ASIC4: variants seen among roughly 807,000 people sequenced by gnomAD.
ASIC4 encodes the protein acid sensing ion channel subunit family member 4, also known as acid-sensing ion channel 4.
Under a neutral mutation model 53.4 loss-of-function variants are expected in ASIC4, and 28 were observed. That is an observed-to-expected ratio of 0.52 (90% confidence interval 0.39 to 0.72). ASIC4 has a LOEUF of 0.72. Ranked by LOEUF, ASIC4 falls within the 30% of genes least tolerant of loss-of-function variation. The pLI is 0.00. For missense variants in ASIC4, 649 were observed against 729.7 expected (o/e 0.89, Z 1.27); for synonymous variants, 289 against 301.4 (o/e 0.96, Z 0.43).
At chr2:219,534,611 T>A (rs1695096893) in intron 5 of ASIC4, among the ~76,000 whole-genome samples, 1 of 152,096 alleles carries the variant, frequency 6.6e-6, no homozygotes, top group Non-Finnish European at 1.5e-5. Flanking sequence ...AGTTGATGCA[T>A]TTGGGGGAGA....
chr2:219,508,447 G>T, the ASIC4 span, among the ~76,000 whole-genome samples: 1 of 152,138 alleles, frequency 6.6e-6, no homozygotes, highest in African/African-American at 2.4e-5. Flanking sequence ...AAGGGGAAAG[G>T]GTCAGTGTTT....
chr2:219,537,690 C>T lies in ASIC4; in HGVS notation c.1460C>T (p.Ser487Phe), dbSNP rs780106540. 2.3e-5 allele frequency: 37 copies of T among 1,613,986 alleles called. No homozygotes were observed. The highest frequency in any genetic ancestry group is 3.0e-5 in the Non-Finnish European group (35 of 1,180,006). Residue 487 changes from serine to phenylalanine, a missense_variant, in exon 9 of 10, where the codon TCC (serine) becomes TTC (phenylalanine). Transcript: ENST00000358078. This position sits in a 1 kb window ranked among gnomAD's most constrained non-coding sequence, Gnocchi z 4.9. Reference protein sequence around the residue: ...WRRPKTPLRTSTGGISTLGLQ... With the variant: ...WRRPKTPLRTFTGGISTLGLQ... ...CGTCCCAAGACCCCCCTGCGGACCT[C>T]CACTGGGGGCATCTCCACTTTGGGG...
At chr2:219,507,525 C>A in the ASIC4 span, among the ~76,000 whole-genome samples, 5 of 152,324 alleles carry the variant, frequency 3.3e-5, no homozygotes, top group African/African-American at 1.2e-4. Context: ...GAGCTGGTGC[C>A]ATTCTCTTCG....
At chr2:219,520,258 C>A (rs1043122118) in intron 1 of ASIC4, among the ~76,000 whole-genome samples, 1 of 152,104 alleles carries the variant, frequency 6.6e-6, no homozygotes, top group Admixed American at 6.5e-5. Context: ...CACAATTAGA[C>A]AAGGCCTCTT....
At chr2:219,519,958 G>A (rs1694859712) in intron 1 of ASIC4, among the ~76,000 whole-genome samples, 1 of 152,124 alleles carries the variant, frequency 6.6e-6, no homozygotes, top group Non-Finnish European at 1.5e-5. Flanking sequence ...CTTCCCAGGT[G>A]CAGGACATGA....
intron 5 of ASIC4, among the ~76,000 whole-genome samples, chr2:219,534,922 C>A (rs968567514): frequency 1.1e-4 from 17 of 152,254 alleles, no homozygotes; most frequent in South Asian, 6.2e-4. Context: ...GAGGACCCCC[C>A]CCCAGTCCCA....
intron 1 of ASIC4, among the ~76,000 whole-genome samples, chr2:219,523,244 G>A (rs981329540): frequency 2.6e-5 from 4 of 152,222 alleles, no homozygotes; most frequent in African/African-American, 7.2e-5. Context: ...ACTTTCTAGG[G>A]TGTAAGGCCT....
chr2:219,516,120 ACTCC>A lies in ASIC4; in HGVS notation c.582+818_582+821del, dbSNP rs1044297013. Among the ~76,000 whole-genome samples the A allele has an allele frequency of 6.6e-6, 1 of 151,156 alleles. No homozygotes were observed. On this transcript the variant is annotated intron_variant, in intron 1 of 9. Coordinates refer to ENST00000358078, the MANE Select transcript of ASIC4 (RefSeq NM_018674.6). This position sits in a 1 kb window ranked among gnomAD's most constrained non-coding sequence, Gnocchi z 4.9. Reference sequence around the variant, plus strand: ...TGCTGGGGGACACAGTTTCCTGCACACTCCCTCTCTCACTCACTGTCCCTGTCAC... The same window carrying A: ...TGCTGGGGGACACAGTTTCCTGCACACTCTCTCACTCACTGTCCCTGTCAC...
intron 1 of ASIC4, among the ~76,000 whole-genome samples, chr2:219,526,629 T>G (rs73991601): frequency 1.9e-4 from 28 of 151,250 alleles, no homozygotes; most frequent in African/African-American, 6.3e-4. Flanking sequence ...AGAGACAGAC[T>G]GAGATCAGGA....
At chr2:219,521,002 A>C (rs1481749647) in intron 1 of ASIC4, among the ~76,000 whole-genome samples, 1 of 152,196 alleles carries the variant, frequency 6.6e-6, no homozygotes, top group Non-Finnish European at 1.5e-5. Context: ...AAAAATACTG[A>C]GGGCTGCCAA....
rs1412934472 is a variant in ASIC4, at chr2:219,537,236, T to C, written c.1322-6T>C. On this transcript the variant is annotated splice_region_variant and splice_polypyrimidine_tract_variant and intron_variant, in intron 7 of 9. Coordinates refer to ENST00000358078, the MANE Select transcript of ASIC4 (RefSeq NM_018674.6). This position sits in a 1 kb window ranked among gnomAD's most constrained non-coding sequence, Gnocchi z 4.9. ...CTCCCTCTGACACTGCTCTCCTGCT[T>C]CCCAGGAGACCTCGGGGGACAGATG... The C allele has an allele frequency of 2.2e-5, 36 of 1,613,308 alleles. No homozygotes were observed. The highest frequency in any genetic ancestry group is 3.1e-5 in the Non-Finnish European group (36 of 1,179,536).
upstream of ASIC4, among the ~76,000 whole-genome samples, chr2:219,514,005 G>A (rs1285089848): frequency 6.6e-6 from 1 of 152,216 alleles, no homozygotes; most frequent in Admixed American, 6.5e-5. Context: ...GTGGGATCAG[G>A]TGGTGGCTGG....
chr2:219,537,190 G>T lies in ASIC4; in HGVS notation c.1321+33G>T, dbSNP rs754491811. On this transcript the variant is annotated intron_variant, in intron 7 of 9. Transcript: ENST00000358078. The surrounding 1 kb of genome is among the most constrained non-coding windows in gnomAD (Gnocchi z 4.9). ...TGGTGTCCCTGCCCCCAGCTTGTGT[G>T]GGGGTGGATCGGCCCGGCCGCTCCC... 8 of 1,612,558 alleles carry T rather than the reference G, an allele frequency of 5.0e-6. No homozygotes were observed. In the Admixed American group the frequency reaches 1.3e-4, roughly 27 times the overall value.
upstream of ASIC4, among the ~76,000 whole-genome samples, chr2:219,511,353 C>G (rs1309664784): frequency 6.6e-6 from 1 of 151,992 alleles, no homozygotes; most frequent in Non-Finnish European, 1.5e-5. The surrounding 1 kb of genome is among the most constrained non-coding windows in gnomAD (Gnocchi z 5.3). Context: ...AGCCAGAAAC[C>G]CACTGCTCTC....
rs1469898471 is a variant in ASIC4, at chr2:219,518,220, A to G, written c.582+2914A>G. ...CCTCAAGCAGCCTATAGTCTCGTAG[A>G]GTGGGGACAGGGACACTCAGAAGTT... is the stretch of plus-strand genomic sequence containing the variant. On this transcript the variant is annotated intron_variant, in intron 1 of 9. Coordinates refer to ENST00000358078, the MANE Select transcript of ASIC4 (RefSeq NM_018674.6). The surrounding 1 kb of genome is among the most constrained non-coding windows in gnomAD (Gnocchi z 4.8). 6.6e-6 allele frequency among the ~76,000 whole-genome samples: 1 copy of G among 152,198 alleles called. No homozygotes were observed. The highest frequency in any genetic ancestry group is 1.5e-5 in the Non-Finnish European group (1 of 68,040).
chr2:219,509,521 C>T (rs918009720), upstream of ASIC4, among the ~76,000 whole-genome samples: 2 of 152,106 alleles, frequency 1.3e-5, no homozygotes, highest in Non-Finnish European at 2.9e-5. The surrounding 1 kb of genome is among the most constrained non-coding windows in gnomAD (Gnocchi z 5.2). Context: ...CGCTCCCCTT[C>T]CCCAGCCCCT....
chr2:219,523,581 T>A (rs938869008), intron 1 of ASIC4, among the ~76,000 whole-genome samples: 1 of 152,206 alleles, frequency 6.6e-6, no homozygotes, highest in Non-Finnish European at 1.5e-5. Flanking sequence ...TGTGTCTTCC[T>A]CTTTCTTGAG....
chr2:219,514,775 A>C lies in ASIC4; in HGVS notation c.51A>C (p.Lys17Asn). 1 of 1,613,448 alleles carries C rather than the reference A, an allele frequency of 6.2e-7. No homozygotes were observed. The highest frequency in any genetic ancestry group is 8.5e-7 in the Non-Finnish European group (1 of 1,179,968). Residue 17 changes from lysine (K) to asparagine (N), a missense_variant, in exon 1 of 10, where the codon AAA (lysine) becomes AAC (asparagine). By Grantham distance (94) the Lys-to-Asn change is moderately conservative. Coordinates refer to ENST00000358078, the MANE Select transcript of ASIC4 (RefSeq NM_018674.6). ...TCAAATTTGCTGAGGAGGATGCGAA[A>C]CCCAAGGAGAAGGAGGCAGGGGATG... ...CKIKFAEEDA[K>N]PKEKEAGDEQ...
chr2:219,527,636 G>A lies in ASIC4; in HGVS notation c.583-4122G>A, dbSNP rs1007401285. On this transcript the variant is annotated intron_variant, in intron 1 of 9. Transcript: ENST00000358078. ...TGGGGTTCAGTTCTGTTTGAATCTC[G>A]GCTGTCATTTATTTGCTGTGTGCCC... 3.4e-4 allele frequency among the ~76,000 whole-genome samples: 51 copies of A among 152,136 alleles called. 1 individual carries two copies. The highest frequency in any genetic ancestry group is 1.4e-4 in the African/African-American group (6 of 41,432).
Sources: gnomAD v4.1 joint callset for allele counts (sites outside exome capture counted in the v4.1 genomes callset) on GRCh38, gnomAD v4.1.1 for gene constraint, Gnocchi (gnomAD v3.1) non-coding constraint, MANE v1.5 for transcripts, NCBI Gene and HGNC (gene_info 2026-07-23, HGNC 2026-07-21) for gene names.